ESRRG: variants seen among roughly 807,000 people sequenced by gnomAD.
ESRRG encodes the protein estrogen-related receptor gamma.
A neutral mutation model predicts 44.0 loss-of-function variants in ESRRG; 13 were observed. That is an observed-to-expected ratio of 0.30 (90% CI 0.19 to 0.47). ESRRG has a LOEUF of 0.47. Among genes scored for constraint, ESRRG ranks in the 20% least tolerant of loss-of-function variants. The pLI, the probability that ESRRG is intolerant of heterozygous loss-of-function variation, is 1.00. For synonymous variants in ESRRG, 215 were observed against 214.6 expected (o/e 1.00, Z -0.02); for missense variants, 395 against 580.6 (o/e 0.68, Z 3.29).
At chr1:216,593,759 G>T (rs1222034783) in intron 3 of ESRRG, among the ~76,000 whole-genome samples, 2 of 152,146 alleles carry the variant, frequency 1.3e-5, no homozygotes, top group Non-Finnish European at 2.9e-5. Flanking sequence ...GTGTTGGGGG[G>T]AACAGTTTCT....
At chr1:216,963,588 C>T (rs2069596037) in intron 1 of ESRRG, among the ~76,000 whole-genome samples, 1 of 152,108 alleles carries the variant, frequency 6.6e-6, no homozygotes, top group African/African-American at 2.4e-5. Flanking sequence ...CTCTATTATC[C>T]TAAAATGAAG....
intron 3 of ESRRG, among the ~76,000 whole-genome samples, chr1:216,586,060 T>C: frequency 2.2e-5 from 1 of 44,696 alleles, no homozygotes; most frequent in South Asian, 4.9e-4. Context: ...AATTAATTAA[T>C]AAAGTTATTT....
At chr1:216,584,529 T>A (rs2063405547) in intron 3 of ESRRG, among the ~76,000 whole-genome samples, 1 of 152,116 alleles carries the variant, frequency 6.6e-6, no homozygotes, top group South Asian at 2.1e-4. Context: ...GTGCTGGGAT[T>A]ACAGGCGTGA....
chr1:216,740,892 A>G (rs906199130), intron 2 of ESRRG, among the ~76,000 whole-genome samples: 88 of 82,266 alleles, frequency 1.1e-3, no homozygotes, highest in African/African-American at 2.7e-3. Context: ...ATTTATCAAA[A>G]TGGGATTATA....
intron 2 of ESRRG, among the ~76,000 whole-genome samples, chr1:216,781,222 C>T (rs922846771): frequency 1.3e-5 from 2 of 151,776 alleles, no homozygotes; most frequent in African/African-American, 4.8e-5. Context: ...TTATTGAGTA[C>T]TTACTATGTG....
At chr1:216,809,096 A>G (rs1010785699) in intron 2 of ESRRG, among the ~76,000 whole-genome samples, 2 of 152,232 alleles carry the variant, frequency 1.3e-5, no homozygotes, top group Non-Finnish European at 2.9e-5. Context: ...TCAAGTTCTC[A>G]TAGCAACCCT....
intron 1 of ESRRG, among the ~76,000 whole-genome samples, chr1:217,014,418 G>A (rs1360980785): frequency 6.6e-6 from 1 of 152,078 alleles, no homozygotes; most frequent in Non-Finnish European, 1.5e-5. Context: ...ATCAAAACCT[G>A]CAATAGTTTT....
intron 1 of ESRRG, among the ~76,000 whole-genome samples, chr1:217,058,153 G>A (rs1182728705): frequency 2.6e-5 from 4 of 152,110 alleles, no homozygotes; most frequent in Non-Finnish European, 5.9e-5. Flanking sequence ...ACATATTCTA[G>A]TAAACTCTCT....
At chr1:217,049,293 A>G (rs1215080238) in intron 1 of ESRRG, among the ~76,000 whole-genome samples, 1 of 152,152 alleles carries the variant, frequency 6.6e-6, no homozygotes, top group African/African-American at 2.4e-5. Context: ...TGCTACTGTG[A>G]ATCTCCAAGA....
intron 3 of ESRRG, among the ~76,000 whole-genome samples, chr1:216,588,985 G>A (rs748989630): frequency 2.6e-5 from 4 of 152,012 alleles, no homozygotes; most frequent in Admixed American, 1.3e-4. Context: ...AGAAGATGAA[G>A]TCAAAGCAAA....
At chr1:216,734,073 T>C (rs1188497440) in intron 2 of ESRRG, among the ~76,000 whole-genome samples, 2 of 151,182 alleles carry the variant, frequency 1.3e-5, no homozygotes, top group Non-Finnish European at 2.9e-5. Flanking sequence ...TCAATGGCCC[T>C]CTCCTCTGTG....
chr1:216,590,198 A>G (rs777171784), intron 3 of ESRRG, among the ~76,000 whole-genome samples: 1 of 152,102 alleles, frequency 6.6e-6, no homozygotes, highest in Non-Finnish European at 1.5e-5. Flanking sequence ...TGACTAATAT[A>G]TAATAATGCA....
At chr1:217,053,789 G>A (rs1308800664) in intron 1 of ESRRG, among the ~76,000 whole-genome samples, 13 of 152,170 alleles carry the variant, frequency 8.5e-5, no homozygotes, top group Middle Eastern at 6.8e-3. Context: ...GCTGGCTATC[G>A]TCATGGTTAT....
At chr1:217,082,505 G>A (rs984061740) in intron 1 of ESRRG, among the ~76,000 whole-genome samples, 1 of 152,130 alleles carries the variant, frequency 6.6e-6, no homozygotes, top group Admixed American at 6.5e-5. Context: ...TGAAATGAGA[G>A]CTCTAATTCC....
At chr1:217,068,315 T>C (rs1262116771) in intron 1 of ESRRG, among the ~76,000 whole-genome samples, 1 of 152,010 alleles carries the variant, frequency 6.6e-6, no homozygotes. Context: ...CTGGTAGCCA[T>C]GGATACCACA....
At chr1:217,099,593 T>C (rs1385512065) in intron 1 of ESRRG, among the ~76,000 whole-genome samples, 1 of 152,116 alleles carries the variant, frequency 6.6e-6, no homozygotes, top group African/African-American at 2.4e-5. Flanking sequence ...CAGGCTGAGA[T>C]ATAAAAATTC....
At chr1:217,007,857 A>T (rs6656656) in intron 1 of ESRRG, among the ~76,000 whole-genome samples, 3 of 152,110 alleles carry the variant, frequency 2.0e-5, no homozygotes, top group African/African-American at 7.2e-5. Context: ...AAAAATCCCA[A>T]GCCAATTATG....
At chr1:216,768,291 T>C (rs1213114698) in intron 2 of ESRRG, among the ~76,000 whole-genome samples, 2 of 152,152 alleles carry the variant, frequency 1.3e-5, no homozygotes, top group Non-Finnish European at 2.9e-5. Context: ...ATGTGAAATT[T>C]CAGGAGAACA....
At chr1:217,115,286 A>G (rs953254865) in intron 1 of ESRRG, among the ~76,000 whole-genome samples, 2 of 152,202 alleles carry the variant, frequency 1.3e-5, no homozygotes, top group Admixed American at 6.5e-5. Flanking sequence ...AACAGAGGAC[A>G]TGCCATGTGG....
Sources: allele counts gnomAD v4.1 joint callset (sites outside exome capture counted in the v4.1 genomes callset), GRCh38; gene constraint gnomAD v4.1.1; transcripts MANE v1.5; gene names NCBI Gene and HGNC (gene_info 2026-07-23, HGNC 2026-07-21).